Variants in LZTR1 observed in about 807,000 individuals in gnomAD.
LZTR1 encodes leucine zipper like post translational regulator 1, also known as leucine-zipper-like transcriptional regulator 1.
Under a neutral mutation model 105.7 loss-of-function variants are expected in LZTR1, and 260 were observed. That is an observed-to-expected ratio of 2.46 (90% CI 2.22 to 2.72). LZTR1 has a LOEUF of 2.72. Ranked by LOEUF, LZTR1 falls within the 30% of genes most tolerant of loss-of-function variation. LZTR1 has a pLI of 0.00. For missense variants in LZTR1, 1,214 were observed against 1,166.9 expected (o/e 1.04, Z -0.59); for synonymous variants, 490 against 476.4 (o/e 1.03, Z -0.37).
rs56211814 is a variant in LZTR1, at chr22:20,984,617, G to GT, written c.264-1224_264-1223insT. On this transcript the variant is annotated intron_variant, in intron 2 of 20. Transcript: ENST00000646124. ...CGGCACGTGGGGCAAGTAAGGAGGGGGGGGGGGCGGTATCACAATCACCAC... is the reference window on the plus strand; with the variant it reads ...CGGCACGTGGGGCAAGTAAGGAGGGGTGGGGGGGCGGTATCACAATCACCAC... Among the ~76,000 whole-genome samples the GT allele has an allele frequency of 1.3e-4, 19 of 144,612 alleles. No individual in the cohort carries two copies. The East Asian group carries it at 3.1e-3, about 24-fold the overall frequency. 94.9% of individuals were successfully genotyped at this position (144,612 alleles called of 152,430 possible).
chr22:20,990,304 G>A (rs1219922107), intron 7 of LZTR1, 82 bp from the exon 8 acceptor site: 28 of 1,491,824 alleles, frequency 1.9e-5, no homozygotes, highest in African/African-American at 5.5e-5. Flanking sequence ...AATAAAAGCA[G>A]TCCCATCTCA....
At chr22:20,983,470 TG>T (rs1924273133) in intron 2 of LZTR1, among the ~76,000 whole-genome samples, 1 of 152,246 alleles carries the variant, frequency 6.6e-6, no homozygotes, top group South Asian at 2.1e-4. Flanking sequence ...TTTCACTTTT[TG>T]TGGGGGTTTT....
chr22:20,984,615 G>A lies in LZTR1; in HGVS notation c.264-1226G>A, dbSNP rs1393580042. ...TGCGGCACGTGGGGCAAGTAAGGAGGGGGGGGGGGCGGTATCACAATCACC... is the reference window on the plus strand; with the variant it reads ...TGCGGCACGTGGGGCAAGTAAGGAGAGGGGGGGGGCGGTATCACAATCACC... On this transcript the variant is annotated intron_variant, in intron 2 of 20. Transcript: ENST00000646124. Among the ~76,000 whole-genome samples, 15 of 35,066 alleles carry A rather than the reference G, an allele frequency of 4.3e-4. 2 individuals carry two copies. Among genetic ancestry groups the A allele is most frequent in the African/African-American group, 7.2e-4 (12 of 16,732 alleles). The allele number at this position is 35,066 out of a possible 152,430, so 23.0% of individuals were successfully genotyped here. A position where few individuals can be genotyped will look rare whatever the true frequency, so the allele number is the denominator to read the frequency against.
At chr22:20,984,611 G>GT (rs1298796265) in intron 2 of LZTR1, among the ~76,000 whole-genome samples, 26 of 86,276 alleles carry the variant, frequency 3.0e-4, no homozygotes, top group Non-Finnish European at 4.5e-4. Flanking sequence ...GGGCAAGTAA[G>GT]GAGGGGGGGG....
chr22:20,985,003 C>T (rs1044899632), intron 2 of LZTR1, among the ~76,000 whole-genome samples: 5 of 151,074 alleles, frequency 3.3e-5, no homozygotes, highest in African/African-American at 1.2e-4. Flanking sequence ...GTGGGAAGAT[C>T]ACTTGAGGCC....
Position 20,996,115 on chromosome 22 carries a change from A to G in LZTR1, c.2219+3A>G. 1 of 1,611,542 alleles carries G rather than the reference A, an allele frequency of 6.2e-7. No individual in the cohort carries two copies. The highest frequency in any genetic ancestry group is 8.5e-7 in the Non-Finnish European group (1 of 1,179,754). On this transcript the variant is annotated splice_donor_region_variant and intron_variant, in intron 18 of 20. Coordinates refer to ENST00000646124, the MANE Select transcript of LZTR1 (RefSeq NM_006767.4). Reference sequence around the variant, plus strand: ...AACATGCCGCCCGAGGACTCGCTGCATCCTCACTCCCCAGTGAACTCCCAG... The same window carrying G: ...AACATGCCGCCCGAGGACTCGCTGCGTCCTCACTCCCCAGTGAACTCCCAG...
In LZTR1 at chr22:20,992,903, A is replaced by G. The variant is rs769935670; in HGVS notation, c.1259A>G (p.Gln420Arg). 1.9e-6 allele frequency: 3 copies of G among 1,588,832 alleles called. No homozygotes were observed. The highest frequency in any genetic ancestry group is 2.6e-6 in the Non-Finnish European group (3 of 1,163,724). Reference protein sequence around the residue: ...NIRSGEMYRFQFSCYPKCTLH... With the variant: ...NIRSGEMYRFRFSCYPKCTLH... Reference sequence around the variant, plus strand: ...CGCAGCGGGGAGATGTACAGGTTCCAGGTGTGGGGCCTGTGGGCCTGTAGA... The same window carrying G: ...CGCAGCGGGGAGATGTACAGGTTCCGGGTGTGGGGCCTGTGGGCCTGTAGA... The change falls in exon 11 of 21, where the codon CAG becomes CGG. Residue 420 changes from glutamine (Q) to arginine (R), a missense_variant and splice_region_variant. By Grantham distance (43) the Gln-to-Arg change is conservative. Transcript: ENST00000646124.
At position 20,989,823 on chromosome 22, in the gene LZTR1, G is replaced by A. The variant is rs547910510; in HGVS notation, c.651+141G>A. 7.9e-5 allele frequency: 71 copies of A among 899,806 alleles called. No individual in the cohort carries two copies. In the African/African-American group the frequency reaches 9.9e-4, roughly 13 times the overall value. 55.7% of individuals were successfully genotyped at this position (899,806 alleles called of 1,614,324 possible). A position where few individuals can be genotyped will look rare whatever the true frequency, so the allele number is the denominator to read the frequency against. On this transcript the variant is annotated intron_variant, in intron 7 of 20. Transcript: ENST00000646124. The stretch of plus-strand genomic sequence containing the variant: ...GGAGGCAGGGGGAGCCAGGCTGGGG[G>A]TCGAGGCTGCTTTCTTCCCCTTGCA...
rs1182046872 is a variant in LZTR1, at chr22:20,993,754, G to C, written c.1353G>C (p.Glu451Asp). Reference protein sequence around the residue: ...QFCDVEFVLGEKEECVQGHVA... With the variant: ...QFCDVEFVLGDKEECVQGHVA... The stretch of plus-strand genomic sequence containing the variant: ...GCGACGTGGAGTTCGTGCTGGGTGA[G>C]GTGGGTGCCTGTCCTCGCACCCTGC... Residue 451 changes from glutamate (E) to aspartate (D), a missense_variant and splice_region_variant, in exon 12 of 21, where the codon GAG becomes GAC. Transcript: ENST00000646124. The C allele has an allele frequency of 1.2e-6, 2 of 1,612,116 alleles. No homozygotes were observed. The highest frequency in any genetic ancestry group is 1.7e-5 in the Admixed American group (1 of 59,966).
Position 20,991,834 on chromosome 22 carries a change from G to A in LZTR1, c.993+5G>A. The A allele has an allele frequency of 6.5e-7, 1 of 1,546,028 alleles. No individual in the cohort carries two copies. The highest frequency in any genetic ancestry group is 8.7e-7 in the Non-Finnish European group (1 of 1,144,850). Reference sequence around the variant, plus strand: ...CAGCCCAGCTCCGACAGCGAGGTGAGGGTGCCCAGGGGTGTCCTGACCTGC... The same window carrying A: ...CAGCCCAGCTCCGACAGCGAGGTGAAGGTGCCCAGGGGTGTCCTGACCTGC... On this transcript the variant is annotated splice_donor_5th_base_variant and intron_variant, in intron 9 of 20. Coordinates refer to ENST00000646124, the MANE Select transcript of LZTR1 (RefSeq NM_006767.4).
rs144870586 is a variant in LZTR1 at position 20,996,750 on chromosome 22, G to A, written c.2274G>A (p.Ala758=). Residue 758 remains alanine (A), a synonymous_variant, in exon 19 of 21, where the codon GCG becomes GCA. Transcript: ENST00000646124. ...GCTTCTACAACAACCGGCTGCAGGC[G>A]TACTGCAAGCAGAACCTGGAGATGA... The part of the protein sequence containing the change: ...YYGFYNNRLQ[A]YCKQNLEMNV... 2.9e-5 allele frequency: 47 copies of A among 1,613,394 alleles called. No homozygotes were observed. Among genetic ancestry groups the A allele is most frequent in the Middle Eastern group, 3.3e-4 (2 of 6,084 alleles).
At position 20,987,514 on chromosome 22, in the gene LZTR1, A is replaced by C; in HGVS notation, c.331A>C (p.Thr111Pro). 6.2e-7 allele frequency: 1 copy of C among 1,612,460 alleles called. No homozygotes were observed. The highest frequency in any genetic ancestry group is 8.5e-7 in the Non-Finnish European group (1 of 1,179,064). Residue 111 changes from threonine (T) to proline (P), a missense_variant, in exon 4 of 21, where the codon ACT (threonine) becomes CCT (proline). Transcript: ENST00000646124. ...CTGTGCCCACCCCAGGGCCTTTACC[A>C]CTGGGACCCCACCGGCCCCCCGTTA... is the stretch of plus-strand genomic sequence containing the variant. The part of the protein sequence containing the change: ...KDCSWCRAFT[T>P]GTPPAPRYHH...
At chr22:20,994,391 T>C in intron 14 of LZTR1, 122 bp downstream of exon 14, 1 of 1,291,164 alleles carries the variant, frequency 7.7e-7, no homozygotes, top group Non-Finnish European at 1.1e-6. Context: ...AGGCTGCAGG[T>C]CACCCTCCTT....
intron 15 of LZTR1, 70 bp downstream of exon 15, chr22:20,994,797 C>T (rs1438049123): frequency 1.9e-6 from 3 of 1,608,272 alleles, no homozygotes; most frequent in African/African-American, 2.7e-5. Flanking sequence ...TCCCTGCCCA[C>T]CACTGTGAGC....
chr22:20,991,560 T>C, intron 8 of LZTR1, 68 bp from the exon 9 acceptor site: 1 of 1,280,878 alleles, frequency 7.8e-7, no homozygotes, highest in East Asian at 2.5e-5. Flanking sequence ...GAAGGCCTGC[T>C]GTGGGGAGGC....
rs201238759 is a variant in LZTR1 at position 20,994,553 on chromosome 22, C to A, written c.1616-5C>A. Reference sequence around the variant, plus strand: ...TCCCTGAGATTCGGGGGCTCTGGGGCGCAGGCCATGTGGAGGATGTGCTGC... The same window carrying A: ...TCCCTGAGATTCGGGGGCTCTGGGGAGCAGGCCATGTGGAGGATGTGCTGC... On this transcript the variant is annotated splice_polypyrimidine_tract_variant and splice_region_variant and intron_variant, in intron 14 of 20. Transcript: ENST00000646124. The A allele has an allele frequency of 1.2e-5, 20 of 1,607,520 alleles. No homozygotes were observed. The East Asian group carries it at 4.2e-4, about 34-fold the overall frequency.
chr22:20,993,716 A>G lies in LZTR1; in HGVS notation c.1315A>G (p.Ser439Gly). The G allele has an allele frequency of 6.2e-7, 1 of 1,613,356 alleles. No individual in the cohort carries two copies. The highest frequency in any genetic ancestry group is 8.5e-7 in the Non-Finnish European group (1 of 1,179,908). Residue 439 changes from serine (S) to glycine (G), a missense_variant, in exon 12 of 21, where the codon AGC becomes GGC. By Grantham distance (56) the Ser-to-Gly change is moderately conservative. Transcript: ENST00000646124. ...LHEDYGRLWE[S>G]RQFCDVEFVL... ...CGAGGACTACGGGCGGCTGTGGGAGAGCCGCCAGTTCTGCGACGTGGAGTT... is the reference window on the plus strand; with the variant it reads ...CGAGGACTACGGGCGGCTGTGGGAGGGCCGCCAGTTCTGCGACGTGGAGTT...
At chr22:20,990,359 G>A (rs1460126109) in intron 7 of LZTR1, 27 bp from the exon 8 acceptor site, 1 of 1,613,686 alleles carries the variant, frequency 6.2e-7, no homozygotes, top group East Asian at 2.2e-5. Context: ...TGTGAGGCCG[G>A]GGCTGAGCTG....
chr22:20,992,427 A>G (rs548015537), intron 10 of LZTR1, 58 bp downstream of exon 10: 26 of 1,533,330 alleles, frequency 1.7e-5, no homozygotes, highest in Non-Finnish European at 2.2e-5. Flanking sequence ...TCCTGTGATC[A>G]ACACCTCTCA....
Sources: gnomAD v4.1 joint callset for allele counts (sites outside exome capture counted in the v4.1 genomes callset) on GRCh38, gnomAD v4.1.1 for gene constraint, MANE v1.5 for transcripts, NCBI Gene and HGNC (gene_info 2026-07-23, HGNC 2026-07-21) for gene names.